GTF2A1L: variants seen among roughly 807,000 people sequenced by gnomAD.
GTF2A1L encodes the protein general transcription factor IIA subunit 1 like.
In GTF2A1L, 48 loss-of-function variants were observed where a neutral mutation model predicts 49.7. The observed-to-expected ratio is 0.97, with a 90% CI of 0.77 to 1.23. The LOEUF (loss-of-function observed/expected upper bound fraction) is 1.23, where lower values mean the gene tolerates loss of function less well. Among genes scored for constraint, GTF2A1L ranks in the 50% most tolerant of loss-of-function variants. The pLI, the probability that GTF2A1L is intolerant of heterozygous loss-of-function variation, is 0.00. For synonymous variants in GTF2A1L, 246 were observed against 193.5 expected (o/e 1.27, Z -2.25); for missense variants, 736 against 564.8 (o/e 1.30, Z -3.07).
In GTF2A1L at chr2:48,646,847, G is replaced by T. The variant is rs1227885474; in HGVS notation, c.783G>T (p.Glu261Asp). 1 of 1,614,058 alleles carries T rather than the reference G, an allele frequency of 6.2e-7. No homozygotes were observed. Among genetic ancestry groups the T allele is most frequent in the East Asian group, 2.2e-5 (1 of 44,890 alleles). Residue 261 changes from glutamate (E) to aspartate (D), a missense_variant, in exon 6 of 9, where the codon GAG becomes GAT. Coordinates refer to ENST00000403751, the MANE Select transcript of GTF2A1L (RefSeq NM_006872.5). The stretch of plus-strand genomic sequence containing the variant: ...TCTCTCAAACAAATTCTAATGTGGA[G>T]TCAGTGCTCAGTGGTTCAGCTAGCA... The part of the protein sequence containing the change: ...PQVSQTNSNV[E>D]SVLSGSASMA...
At chr2:48,627,141 T>C (rs1674262251) in intron 3 of GTF2A1L, among the ~76,000 whole-genome samples, 1 of 144,126 alleles carries the variant, frequency 6.9e-6, no homozygotes, top group African/African-American at 2.5e-5. Context: ...TCTGTTGTGA[T>C]ATGTTGTTTT....
chr2:48,656,102 T>G (rs1316705973), intron 6 of GTF2A1L, among the ~76,000 whole-genome samples: 2 of 152,226 alleles, frequency 1.3e-5, no homozygotes, highest in Non-Finnish European at 2.9e-5. Context: ...CTTGGGTTGC[T>G]TCCAGCTTTT....
At chr2:48,619,464 C>T (rs980349104) in intron 1 of GTF2A1L, among the ~76,000 whole-genome samples, 12 of 138,784 alleles carry the variant, frequency 8.6e-5, no homozygotes, top group African/African-American at 2.9e-4. Context: ...AGCAAGACTC[C>T]ATCTCAAAAA....
intron 6 of GTF2A1L, among the ~76,000 whole-genome samples, chr2:48,663,018 A>T (rs1678606079): frequency 6.6e-6 from 1 of 152,152 alleles, no homozygotes; most frequent in Admixed American, 6.5e-5. Flanking sequence ...CGTGACACAT[A>T]GTTTACCTAC....
chr2:48,652,556 A>G (rs764659310), intron 6 of GTF2A1L, among the ~76,000 whole-genome samples: 3 of 151,332 alleles, frequency 2.0e-5, no homozygotes, highest in Admixed American at 2.0e-4. Flanking sequence ...CGGAGGTTGC[A>G]GTGAGCCAAG....
At position 48,671,697 on chromosome 2, in the gene GTF2A1L, T is replaced by A; in HGVS notation, c.1329+17T>A. On this transcript the variant is annotated intron_variant, in intron 8 of 8. Coordinates refer to ENST00000403751, the MANE Select transcript of GTF2A1L (RefSeq NM_006872.5). Reference sequence around the variant, plus strand: ...TATGATAAGGTACTGTATTTACCTTTTGGACTTTGGGTTTATTAACTGCAT... The same window carrying A: ...TATGATAAGGTACTGTATTTACCTTATGGACTTTGGGTTTATTAACTGCAT... The A allele has an allele frequency of 6.3e-7, 1 of 1,597,744 alleles. No homozygotes were observed. The highest frequency in any genetic ancestry group is 8.5e-7 in the Non-Finnish European group (1 of 1,172,652).
chr2:48,666,147 T>C (rs1317426824), intron 6 of GTF2A1L, among the ~76,000 whole-genome samples: 1 of 152,088 alleles, frequency 6.6e-6, no homozygotes. Flanking sequence ...TATGTGTTTT[T>C]TCTGTTCATT....
intron 4 of GTF2A1L, among the ~76,000 whole-genome samples, chr2:48,642,696 A>G (rs915840122): frequency 4.6e-5 from 7 of 152,148 alleles, no homozygotes; most frequent in Non-Finnish European, 1.5e-5. Flanking sequence ...CTCTACTAAA[A>G]GTACAAAAAT....
At position 48,624,835 on chromosome 2, in the gene GTF2A1L, T is replaced by A. The variant is rs992949034; in HGVS notation, c.247+3545T>A. The stretch of plus-strand genomic sequence containing the variant: ...TGTGTCTGGCTTATTTCACTTAGTA[T>A]AATGTCCTTCAGTTTCATCTATGTT... On this transcript the variant is annotated intron_variant, in intron 3 of 8. Coordinates refer to ENST00000403751, the MANE Select transcript of GTF2A1L (RefSeq NM_006872.5). Among the ~76,000 whole-genome samples, 7 of 143,518 alleles carry A rather than the reference T, an allele frequency of 4.9e-5. 1 individual carries two copies. Among genetic ancestry groups the A allele is most frequent in the Admixed American group, 1.4e-4 (2 of 14,104 alleles). 94.2% of individuals were successfully genotyped at this position (143,518 alleles called of 152,430 possible).
At chr2:48,668,347 C>G (rs567424375) in intron 6 of GTF2A1L, among the ~76,000 whole-genome samples, 1 of 152,088 alleles carries the variant, frequency 6.6e-6, no homozygotes, top group Non-Finnish European at 1.5e-5. Flanking sequence ...GCATCTGGAG[C>G]TTTCACCAAG....
rs1402472038 is a variant in GTF2A1L at position 48,625,217 on chromosome 2, C to T, written c.247+3927C>T. Among the ~76,000 whole-genome samples the T allele has an allele frequency of 6.2e-5, 9 of 144,150 alleles. 2 individuals carry two copies. Among genetic ancestry groups the T allele is most frequent in the Non-Finnish European group, 1.1e-4 (7 of 63,886 alleles). 94.6% of individuals were successfully genotyped at this position (144,150 alleles called of 152,430 possible). A position where few individuals can be genotyped will look rare whatever the true frequency, so the allele number is the denominator to read the frequency against. ...TTCCTTTCCTCTGTACTCTCACCAA[C>T]ACTTGTCGTCTCTTTTCTTTTTGGT... On this transcript the variant is annotated intron_variant, in intron 3 of 8. Transcript: ENST00000403751.
At chr2:48,639,997 A>T (rs1677114155) in intron 3 of GTF2A1L, among the ~76,000 whole-genome samples, 1 of 152,220 alleles carries the variant, frequency 6.6e-6, no homozygotes, top group Non-Finnish European at 1.5e-5. Context: ...ACACAAGGAG[A>T]TACCATCTCA....
chr2:48,655,824 A>G (rs577081786), intron 6 of GTF2A1L, among the ~76,000 whole-genome samples: 47 of 152,088 alleles, frequency 3.1e-4, no homozygotes, highest in Non-Finnish European at 6.0e-4. Flanking sequence ...CCCAAACTCC[A>G]TGCCCATTAA....
intron 6 of GTF2A1L, among the ~76,000 whole-genome samples, chr2:48,661,566 C>T (rs1324871953): frequency 6.6e-6 from 1 of 151,976 alleles, no homozygotes; most frequent in Non-Finnish European, 1.5e-5. Context: ...TTGCATATAT[C>T]TGGGGGCTCT....
Position 48,646,435 on chromosome 2 carries a change from TG to T in GTF2A1L, c.389-17del. On this transcript the variant is annotated splice_polypyrimidine_tract_variant and intron_variant, in intron 5 of 8. Coordinates refer to ENST00000403751, the MANE Select transcript of GTF2A1L (RefSeq NM_006872.5). ...TTTAATTCTATTATACTTACAATTTTGCTTTCTCCTTTTTAAGGTCACCTTT... is the reference window on the plus strand; with the variant it reads ...TTTAATTCTATTATACTTACAATTTTCTTTCTCCTTTTTAAGGTCACCTTT... 1 of 1,544,882 alleles carries T rather than the reference TG, an allele frequency of 6.5e-7. No homozygotes were observed. Among genetic ancestry groups the T allele is most frequent in the East Asian group, 2.3e-5 (1 of 44,340 alleles).
rs1031937460 is a variant in GTF2A1L, at chr2:48,629,112, G to A, written c.247+7822G>A. Among the ~76,000 whole-genome samples the A allele has an allele frequency of 8.4e-5, 12 of 142,648 alleles. 2 individuals carry two copies. Among genetic ancestry groups the A allele is most frequent in the Admixed American group, 2.9e-4 (4 of 14,032 alleles). The allele number at this position is 142,648 out of a possible 152,430, so 93.6% of individuals were successfully genotyped here. On this transcript the variant is annotated intron_variant, in intron 3 of 8. Coordinates refer to ENST00000403751, the MANE Select transcript of GTF2A1L (RefSeq NM_006872.5). ...AAAAATTAGCCAGGCTTGGTGGTGCGTGCCTGTAATCCCAGCTGCTCAGGA... is the reference window on the plus strand; with the variant it reads ...AAAAATTAGCCAGGCTTGGTGGTGCATGCCTGTAATCCCAGCTGCTCAGGA...
chr2:48,618,112 A>C, intron 1 of GTF2A1L: 2 of 538,174 alleles, frequency 3.7e-6, no homozygotes, highest in Non-Finnish European at 6.6e-6. Flanking sequence ...CGCCAAAAGA[A>C]CAAGTGCCCT....
At chr2:48,633,833 A>G (rs748522195) in intron 3 of GTF2A1L, among the ~76,000 whole-genome samples, 6 of 152,178 alleles carry the variant, frequency 3.9e-5, no homozygotes, top group Non-Finnish European at 8.8e-5. Flanking sequence ...GGGTGAGTGT[A>G]TATTTAGGAT....
At chr2:48,635,772 G>C (rs539380244) in intron 3 of GTF2A1L, among the ~76,000 whole-genome samples, 3 of 152,030 alleles carry the variant, frequency 2.0e-5, no homozygotes, top group Non-Finnish European at 4.4e-5. Flanking sequence ...ACCTAGAATG[G>C]CTGACTTTGT....
Sources: gnomAD v4.1 joint callset for allele counts (sites outside exome capture counted in the v4.1 genomes callset) on GRCh38, gnomAD v4.1.1 for gene constraint, MANE v1.5 for transcripts, NCBI Gene and HGNC (gene_info 2026-07-23, HGNC 2026-07-21) for gene names.